The following PARK7 variants were observed in gnomAD, a reference collection of about 807,000 sequenced individuals.
PARK7 encodes Parkinsonism associated deglycase, also known as Parkinson disease protein 7.
A neutral mutation model predicts 20.5 loss-of-function variants in PARK7; 14 were observed. The ratio of observed to expected loss-of-function variants is 0.68; its 90% CI spans 0.45 to 1.07. PARK7 has a LOEUF of 1.07. Among genes scored for constraint, PARK7 ranks in the 50% least tolerant of loss-of-function variants. PARK7 has a pLI of 0.00. For missense variants in PARK7, 234 were observed against 238.1 expected (o/e 0.98, Z 0.11); for synonymous variants, 98 against 84.3 (o/e 1.16, Z -0.89).
Position 7,985,028 on chromosome 1 carries a change from A to G in PARK7, c.544A>G (p.Lys182Glu). ...TGGCAAGGAGGTGGCGGCTCAAGTG[A>G]AGGCTCCACTTGTTCTTAAAGACTA... ...LNGKEVAAQV[K>E]APLVLKD The change falls in exon 7 of 7, where the codon AAG (lysine) becomes GAG (glutamate). Residue 182 changes from lysine to glutamate, a missense_variant. Physicochemically the swap from Lys to Glu is moderately conservative, Grantham distance 56. Transcript: ENST00000338639. The G allele has an allele frequency of 6.2e-7, 1 of 1,614,176 alleles. No homozygotes were observed. The highest frequency in any genetic ancestry group is 8.5e-7 in the Non-Finnish European group (1 of 1,180,034).
chr1:7,982,654 C>G (rs1337647123), intron 6 of PARK7, among the ~76,000 whole-genome samples: 1 of 152,222 alleles, frequency 6.6e-6, no homozygotes, highest in Non-Finnish European at 1.5e-5. Context: ...TTGTCCCACT[C>G]TCAGCTGTGC....
chr1:7,979,233 AT>A (rs1333161016), intron 6 of PARK7, among the ~76,000 whole-genome samples: 3 of 152,088 alleles, frequency 2.0e-5, no homozygotes, highest in Admixed American at 6.6e-5. Flanking sequence ...ATGTTTTTTA[AT>A]TACTAAACTT....
In PARK7 at chr1:7,965,335, C is replaced by G. The variant is rs374236728; in HGVS notation, c.102C>G (p.Thr34=). 7 of 1,613,822 alleles carry G rather than the reference C, an allele frequency of 4.3e-6. No individual in the cohort carries two copies. The highest frequency in any genetic ancestry group is 5.1e-6 in the Non-Finnish European group (6 of 1,179,830). ...DVMRRAGIKV[T]VAGLAGKDPV... ...CATCTTTCTCGTAGATTAAGGTCAC[C>G]GTTGCAGGCCTGGCTGGAAAAGACC... Residue 34 remains threonine, a synonymous_variant, in exon 3 of 7, where the codon ACC becomes ACG. Transcript: ENST00000338639.
At chr1:7,967,634 C>G (rs1346613169) in intron 3 of PARK7, among the ~76,000 whole-genome samples, 1 of 152,126 alleles carries the variant, frequency 6.6e-6, no homozygotes, top group Non-Finnish European at 1.5e-5. Context: ...AAAAGTGATT[C>G]TAAGCCAGCC....
At chr1:7,980,445 A>G (rs1288870469) in intron 6 of PARK7, among the ~76,000 whole-genome samples, 1 of 151,930 alleles carries the variant, frequency 6.6e-6, no homozygotes, top group African/African-American at 2.4e-5. Context: ...TGATGCTCAC[A>G]CTTGGAGTTT....
rs1202402825 is a variant in PARK7, at chr1:7,985,118, G to C, written c.*64G>C. ...TTAGGAATCCATTCTCACTGTGTTC[G>C]CTCTAAACAAAACAGTGGTAGGTTA... is the stretch of plus-strand genomic sequence containing the variant. On this transcript the variant is annotated 3_prime_UTR_variant, in exon 7 of 7. Transcript: ENST00000338639. 6.4e-7 allele frequency: 1 copy of C among 1,574,296 alleles called. No homozygotes were observed. The highest frequency in any genetic ancestry group is 8.6e-7 in the Non-Finnish European group (1 of 1,160,670).
At position 7,985,061 on chromosome 1, in the gene PARK7, G is replaced by A. The variant is rs750226268; in HGVS notation, c.*7G>A. On this transcript the variant is annotated 3_prime_UTR_variant, in exon 7 of 7. Coordinates refer to ENST00000338639, the MANE Select transcript of PARK7 (RefSeq NM_007262.5). The stretch of plus-strand genomic sequence containing the variant: ...ACTTGTTCTTAAAGACTAGAGCAGC[G>A]AACTGCGACGATCACTTAGAGAAAC... The A allele has an allele frequency of 5.7e-5, 92 of 1,613,512 alleles. No homozygotes were observed. Among genetic ancestry groups the A allele is most frequent in the South Asian group, 3.7e-4 (34 of 91,028 alleles).
At chr1:7,974,140 C>CT (rs1553123781) in intron 5 of PARK7, among the ~76,000 whole-genome samples, 1 of 148,394 alleles carries the variant, frequency 6.7e-6, no homozygotes, top group African/African-American at 2.5e-5. Context: ...TGAGACCCCC[C>CT]CACCGACCTC....
intron 4 of PARK7, among the ~76,000 whole-genome samples, chr1:7,970,463 G>A (rs762543469): frequency 1.3e-5 from 2 of 152,008 alleles, no homozygotes; most frequent in Non-Finnish European, 2.9e-5. Flanking sequence ...GGAGTCAGAG[G>A]CCAGGGTGAG....
At position 7,965,372 on chromosome 1, in the gene PARK7, A is replaced by G. The variant is rs1015407444; in HGVS notation, c.139A>G (p.Ser47Gly). ...GLAGKDPVQC[S>G]RDVVICPDAS... ...GGCTGGAAAAGACCCAGTACAGTGT[A>G]GCCGTGATGTGGTCATTTGTCCTGA... Residue 47 changes from serine to glycine, a missense_variant, in exon 3 of 7, where the codon AGC (serine) becomes GGC (glycine). Ser to Gly is a moderately conservative substitution (Grantham distance 56). Coordinates refer to ENST00000338639, the MANE Select transcript of PARK7 (RefSeq NM_007262.5). 13 of 1,614,232 alleles carry G rather than the reference A, an allele frequency of 8.1e-6. 1 individual carries two copies. In the South Asian group the frequency reaches 1.4e-4, roughly 18 times the overall value.
chr1:7,973,526 C>T (rs1364697914), intron 5 of PARK7, among the ~76,000 whole-genome samples: 1 of 152,116 alleles, frequency 6.6e-6, no homozygotes, highest in South Asian at 2.1e-4. Flanking sequence ...CCAGCCTGGC[C>T]ACCATGGTGA....
chr1:7,966,213 TCA>T (rs1235703227), intron 3 of PARK7, among the ~76,000 whole-genome samples: 1 of 152,110 alleles, frequency 6.6e-6, no homozygotes, highest in Non-Finnish European at 1.5e-5. Flanking sequence ...CAGAGTCGGC[TCA>T]CAGATGGCTG....
At chr1:7,974,894 T>A (rs796335223) in intron 5 of PARK7, among the ~76,000 whole-genome samples, 8 of 151,526 alleles carry the variant, frequency 5.3e-5, no homozygotes, top group South Asian at 2.1e-4. Flanking sequence ...TTGCTCTTGT[T>A]GCCCAAGCTG....
At chr1:7,967,023 A>G (rs1475341338) in intron 3 of PARK7, among the ~76,000 whole-genome samples, 2 of 152,118 alleles carry the variant, frequency 1.3e-5, no homozygotes, top group African/African-American at 4.8e-5. Context: ...CCTCCTATCT[A>G]GCTATAATTT....
At chr1:7,975,258 G>A (rs1379841293) in intron 5 of PARK7, among the ~76,000 whole-genome samples, 1 of 152,162 alleles carries the variant, frequency 6.6e-6, no homozygotes, top group Non-Finnish European at 1.5e-5. Context: ...AAATTGGAAG[G>A]GAGTCTATGT....
chr1:7,967,807 C>T (rs973309968), intron 3 of PARK7, among the ~76,000 whole-genome samples: 1 of 152,052 alleles, frequency 6.6e-6, no homozygotes, highest in Non-Finnish European at 1.5e-5. Flanking sequence ...GTAGTCCTAG[C>T]TCCTGCAGAG....
In PARK7 at chr1:7,974,868, TG is replaced by T. The variant is rs1250767519; in HGVS notation, c.323-2783del. 9.4e-3 allele frequency among the ~76,000 whole-genome samples: 1,405 copies of T among 149,928 alleles called. 11 individuals carry two copies. Among genetic ancestry groups the T allele is most frequent in the Non-Finnish European group, 0.014 (956 of 67,350 alleles). On this transcript the variant is annotated intron_variant, in intron 5 of 6. Coordinates refer to ENST00000338639, the MANE Select transcript of PARK7 (RefSeq NM_007262.5). ...TAAGATTCTTTTTTTTTTTTTTTTTTGTTGAAATGGGAGCTTTGCTCTTGTT... is the reference window on the plus strand; with the variant it reads ...TAAGATTCTTTTTTTTTTTTTTTTTTTTGAAATGGGAGCTTTGCTCTTGTT...
chr1:7,962,669 C>G (rs927190062), intron 1 of PARK7, 94 bp from the exon 2 acceptor site: 2 of 759,200 alleles, frequency 2.6e-6, no homozygotes, highest in Admixed American at 4.9e-5. Flanking sequence ...GAAGTACTTA[C>G]TCTGCTTGAA....
At chr1:7,974,850 C>CTTTTTTTTTTTTTTTTTTTTTTTTTTT in intron 5 of PARK7, among the ~76,000 whole-genome samples, 1 of 125,608 alleles carries the variant, frequency 8.0e-6, no homozygotes. Context: ...AAATAAGATT[C>CTTTTTTTTTTTTTTTTTTTTTTTTTTT]TTTTTTTTTT....
Sources: gnomAD v4.1 joint callset for allele counts (sites outside exome capture counted in the v4.1 genomes callset) on GRCh38, gnomAD v4.1.1 for gene constraint, MANE v1.5 for transcripts, NCBI Gene and HGNC (gene_info 2026-07-23, HGNC 2026-07-21) for gene names.